Variants in FSTL4 observed in about 807,000 individuals in gnomAD.
The protein encoded by FSTL4 is follistatin like 4.
A neutral mutation model predicts 78.2 loss-of-function variants in FSTL4; 28 were observed. That is an observed-to-expected ratio of 0.36 (90% CI 0.27 to 0.49). FSTL4 has a LOEUF of 0.49. Among genes scored for constraint, FSTL4 ranks in the 20% least tolerant of loss-of-function variants. The probability of loss-of-function intolerance (pLI) is 0.98; values close to 1 mark genes in which losing one functional copy is unlikely to be tolerated. For missense variants in FSTL4, 922 were observed against 1,084.9 expected, an observed-to-expected ratio of 0.85 and a Z score of 2.11; for synonymous variants, 422 against 440.5, an observed-to-expected ratio of 0.96 and a Z score of 0.53.
At chr5:133,367,395 C>T (rs775329470) in intron 4 of FSTL4, among the ~76,000 whole-genome samples, 1 of 152,220 alleles carries the variant, frequency 6.6e-6, no homozygotes, top group Non-Finnish European at 1.5e-5. Flanking sequence ...CTCTCTTTAG[C>T]CCCAAGGTAA....
chr5:133,608,990 A>C (rs1211729410), intron 1 of FSTL4, among the ~76,000 whole-genome samples: 1 of 152,156 alleles, frequency 6.6e-6, no homozygotes, highest in African/African-American at 2.4e-5. Context: ...CTATTCCAGG[A>C]AACAGCCCTG....
upstream of FSTL4, among the ~76,000 whole-genome samples, chr5:133,614,473 G>T (rs1450650046): frequency 6.6e-6 from 1 of 152,184 alleles, no homozygotes; most frequent in Non-Finnish European, 1.5e-5. Flanking sequence ...TAAAATAAGA[G>T]TGAAATTAAA....
chr5:133,315,970 G>A (rs1753893578), intron 5 of FSTL4, among the ~76,000 whole-genome samples: 1 of 152,230 alleles, frequency 6.6e-6, no homozygotes, highest in African/African-American at 2.4e-5. Flanking sequence ...TGTAATGCAA[G>A]TGTTTTCCCA....
chr5:133,636,179 A>T, the FSTL4 span, among the ~76,000 whole-genome samples: 1 of 152,218 alleles, frequency 6.6e-6, no homozygotes, highest in Non-Finnish European at 1.5e-5. Context: ...TCAAGGCAAG[A>T]CCAAGAATCA....
chr5:133,626,894 G>C, the FSTL4 span, among the ~76,000 whole-genome samples: 1 of 152,012 alleles, frequency 6.6e-6, no homozygotes, highest in African/African-American at 2.4e-5. Flanking sequence ...CTATTGATTG[G>C]ATCCTGTTTG....
chr5:133,446,461 G>A (rs1757267373), intron 3 of FSTL4, among the ~76,000 whole-genome samples: 1 of 152,064 alleles, frequency 6.6e-6, no homozygotes, highest in Non-Finnish European at 1.5e-5. Flanking sequence ...TCACGCTCTC[G>A]TCCACTAGTG....
intron 4 of FSTL4, among the ~76,000 whole-genome samples, chr5:133,320,322 GCC>G (rs1305924654): frequency 4.6e-5 from 7 of 151,936 alleles, no homozygotes. Context: ...TTACATTCCT[GCC>G]CCCTGCTGGT....
chr5:133,312,464 C>G, intron 6 of FSTL4, 190 bp downstream of exon 6: 1 of 605,680 alleles, frequency 1.7e-6, no homozygotes, highest in Non-Finnish European at 2.9e-6. Context: ...CAAGCCCTCT[C>G]TGGCCCCATC....
At chr5:133,659,800 G>C in the FSTL4 span, among the ~76,000 whole-genome samples, 1 of 151,808 alleles carries the variant, frequency 6.6e-6, no homozygotes, top group Non-Finnish European at 1.5e-5. Flanking sequence ...ATCAAGAACT[G>C]TTTCCCCCCT....
At chr5:133,760,018 C>A in the FSTL4 span, among the ~76,000 whole-genome samples, 1 of 152,214 alleles carries the variant, frequency 6.6e-6, no homozygotes, top group African/African-American at 2.4e-5. Flanking sequence ...CCCACTTCAT[C>A]CCTACCCGGC....
At chr5:133,319,713 TC>T (rs1165311524) in intron 4 of FSTL4, among the ~76,000 whole-genome samples, 24 of 152,304 alleles carry the variant, frequency 1.6e-4, no homozygotes, top group Middle Eastern at 3.4e-3. Flanking sequence ...CGTCATTTCT[TC>T]CCTTTACTGA....
rs144161518 is a variant in FSTL4 at position 133,396,550 on chromosome 5, T to C, written c.409+4188A>G. On this transcript the variant is annotated intron_variant, in intron 4 of 15. Transcript: ENST00000265342. ...GCTGGATCTCACACATCCCAGGAAG[T>C]GAGTCTCCCGCTGAGAGCTGGACTG... Among the ~76,000 whole-genome samples the C allele has an allele frequency of 3.5e-4, 54 of 152,258 alleles. 1 individual carries two copies. Among genetic ancestry groups the C allele is most frequent in the African/African-American group, 1.3e-3 (52 of 41,548 alleles).
chr5:133,437,779 C>T (rs1225308134), intron 3 of FSTL4, among the ~76,000 whole-genome samples: 1 of 151,858 alleles, frequency 6.6e-6, no homozygotes, highest in African/African-American at 2.4e-5. Flanking sequence ...GCATGAGCCA[C>T]TGCACTTGGC....
At position 133,199,040 on chromosome 5, in the gene FSTL4, C is replaced by T; in HGVS notation, c.*55G>A. On this transcript the variant is annotated 3_prime_UTR_variant, in exon 16 of 16. Transcript: ENST00000265342. The surrounding 1 kb of genome is among the most constrained non-coding windows in gnomAD (Gnocchi z 4.4). ...AAATGTACAGCGTACCTGCTTGAGG[C>T]TGCAGTGTCAGGACTAGGGGGTGTT... 1 of 1,106,762 alleles carries T rather than the reference C, an allele frequency of 9.0e-7. No homozygotes were observed. The highest frequency in any genetic ancestry group is 1.3e-6 in the Non-Finnish European group (1 of 774,504). 68.6% of individuals were successfully genotyped at this position (1,106,762 alleles called of 1,614,324 possible). A position where few individuals can be genotyped will look rare whatever the true frequency, so the allele number is the denominator to read the frequency against.
chr5:133,411,876 T>C (rs1756482932), intron 3 of FSTL4, among the ~76,000 whole-genome samples: 1 of 152,130 alleles, frequency 6.6e-6, no homozygotes, highest in South Asian at 2.1e-4. Flanking sequence ...GGACAGATGA[T>C]AAATATGCCA....
the FSTL4 span, among the ~76,000 whole-genome samples, chr5:133,782,840 C>T: frequency 6.6e-6 from 1 of 152,174 alleles, no homozygotes; most frequent in Non-Finnish European, 1.5e-5. Context: ...TCATCCCAGG[C>T]CATCATGAGG....
intron 3 of FSTL4, among the ~76,000 whole-genome samples, chr5:133,492,081 T>C (rs1691275747): frequency 6.6e-6 from 1 of 152,218 alleles, no homozygotes; most frequent in African/African-American, 2.4e-5. Flanking sequence ...TTATATTCTA[T>C]TTCTTTTCTT....
chr5:133,448,536 T>G (rs1167445207), intron 3 of FSTL4, among the ~76,000 whole-genome samples: 1 of 152,106 alleles, frequency 6.6e-6, no homozygotes, highest in Non-Finnish European at 1.5e-5. Flanking sequence ...CACACAGAAG[T>G]TAAAGGGCGG....
chr5:133,787,284 T>C, the FSTL4 span, among the ~76,000 whole-genome samples: 31 of 152,344 alleles, frequency 2.0e-4, no homozygotes, highest in Non-Finnish European at 3.1e-4. Context: ...AGTTCTATTT[T>C]GGGACCACTC....
Sources: allele counts gnomAD v4.1 joint callset (sites outside exome capture counted in the v4.1 genomes callset), GRCh38; gene constraint gnomAD v4.1.1; non-coding constraint Gnocchi (gnomAD v3.1); transcripts MANE v1.5; gene names NCBI Gene and HGNC (gene_info 2026-07-23, HGNC 2026-07-21).